The following TNRC6B variants were observed in gnomAD, a reference collection of about 807,000 sequenced individuals.
TNRC6B encodes the protein trinucleotide repeat-containing gene 6B protein.
Under a neutral mutation model 203.6 loss-of-function variants are expected in TNRC6B, and 52 were observed. That is an observed-to-expected ratio of 0.26 (90% CI 0.20 to 0.32). The LOEUF (loss-of-function observed/expected upper bound fraction) is 0.32, where lower values mean the gene tolerates loss of function less well. TNRC6B is among the 10% of genes least tolerant of loss of function. The pLI is 1.00. For missense variants in TNRC6B, 1,923 were observed against 2,286.2 expected, an observed-to-expected ratio of 0.84 and a Z score of 3.24; for synonymous variants, 838 against 845.7, an observed-to-expected ratio of 0.99 and a Z score of 0.16.
chr22:40,279,905 C>A, intron 9 of TNRC6B, 90 bp from the exon 10 acceptor site: 1 of 1,115,204 alleles, frequency 9.0e-7, no homozygotes, highest in Non-Finnish European at 1.3e-6. Flanking sequence ...ATACCCAGCA[C>A]CCCCATGAGG....
At chr22:40,221,691 G>A (rs1353219385) in intron 1 of TNRC6B, among the ~76,000 whole-genome samples, 1 of 151,368 alleles carries the variant, frequency 6.6e-6, no homozygotes, top group Non-Finnish European at 1.5e-5. Flanking sequence ...CTCCTGCCTT[G>A]GCCTCTCAAA....
intron 3 of TNRC6B, among the ~76,000 whole-genome samples, chr22:40,151,285 C>A (rs2068750570): frequency 6.6e-6 from 1 of 151,826 alleles, no homozygotes; most frequent in Admixed American, 6.6e-5. Flanking sequence ...ATAAATAGGC[C>A]AGGCACCGTG....
chr22:40,115,027 T>A (rs2068374359), intron 1 of TNRC6B, among the ~76,000 whole-genome samples: 1 of 152,222 alleles, frequency 6.6e-6, no homozygotes, highest in African/African-American at 2.4e-5. Context: ...CTGTAAAACC[T>A]GGATTCAAGA....
chr22:40,297,211 T>C (rs1039108709), intron 12 of TNRC6B, among the ~76,000 whole-genome samples: 2 of 152,214 alleles, frequency 1.3e-5, no homozygotes, highest in Non-Finnish European at 2.9e-5. Context: ...TGGAAATATA[T>C]TGGCTAAACA....
At chr22:40,177,718 C>G (rs2069077816), upstream of TNRC6B, among the ~76,000 whole-genome samples, 1 of 152,194 alleles carries the variant, frequency 6.6e-6, no homozygotes, top group African/African-American at 2.4e-5. Flanking sequence ...TCATCTGTTA[C>G]CCTTATGCTG....
rs947047147 is a variant in TNRC6B, at chr22:40,114,496, A to AT, written c.-120-2552dup. Reference sequence around the variant, plus strand: ...CCACCATGCCCCGTTAATTTTTTACATTTTTTTGTAGAGATAGGGTCTTCC... The same window carrying AT: ...CCACCATGCCCCGTTAATTTTTTACATTTTTTTTGTAGAGATAGGGTCTTCC... On this transcript the variant is annotated intron_variant, in intron 1 of 23. Coordinates refer to the TNRC6B transcript ENST00000301923. Among the ~76,000 whole-genome samples the AT allele has an allele frequency of 1.6e-4, 25 of 151,992 alleles. 2 individuals carry two copies. The highest frequency in any genetic ancestry group is 9.8e-4 in the Admixed American group (15 of 15,256).
chr22:40,139,325 A>ATT (rs562172960), intron 3 of TNRC6B, among the ~76,000 whole-genome samples: 55 of 120,602 alleles, frequency 4.6e-4, no homozygotes, highest in African/African-American at 1.2e-3. Flanking sequence ...GGGTGTACGC[A>ATT]TTTTTTTTTT....
chr22:40,272,124 CAT>C (rs1267311355), intron 6 of TNRC6B, among the ~76,000 whole-genome samples: 2 of 152,074 alleles, frequency 1.3e-5, no homozygotes, highest in Non-Finnish European at 2.9e-5. Context: ...TAATATAAAT[CAT>C]AAATATGGTA....
intron 1 of TNRC6B, among the ~76,000 whole-genome samples, chr22:40,050,929 A>G (rs1002290810): frequency 6.6e-6 from 1 of 151,776 alleles, no homozygotes; most frequent in African/African-American, 2.4e-5. Flanking sequence ...GGTTCAAGCA[A>G]TTCTTCTGCC....
At chr22:40,079,642 A>G (rs2068049008) in intron 1 of TNRC6B, among the ~76,000 whole-genome samples, 1 of 151,914 alleles carries the variant, frequency 6.6e-6, no homozygotes, top group Non-Finnish European at 1.5e-5. Flanking sequence ...TTTTTGAGAC[A>G]GGGTCTTGCT....
At chr22:40,064,721 A>G (rs534229800) in intron 1 of TNRC6B, among the ~76,000 whole-genome samples, 15 of 151,738 alleles carry the variant, frequency 9.9e-5, no homozygotes, top group African/African-American at 2.4e-4. Flanking sequence ...GGTTCAAGCA[A>G]TTCTCCTGCC....
At chr22:40,161,450 TAGCTG>T (rs1432011106) in intron 4 of TNRC6B, among the ~76,000 whole-genome samples, 1 of 152,188 alleles carries the variant, frequency 6.6e-6, no homozygotes, top group Non-Finnish European at 1.5e-5. Context: ...ATTATGTAAT[TAGCTG>T]ATCTGTGCCA....
At chr22:40,129,205 G>C (rs1204635138) in intron 3 of TNRC6B, among the ~76,000 whole-genome samples, 1 of 152,224 alleles carries the variant, frequency 6.6e-6, no homozygotes, top group Non-Finnish European at 1.5e-5. Context: ...GTTAGAGAGA[G>C]AGACAGAGAC....
At chr22:40,154,636 C>T (rs1052479062) in intron 3 of TNRC6B, among the ~76,000 whole-genome samples, 2 of 150,228 alleles carry the variant, frequency 1.3e-5, no homozygotes, top group African/African-American at 2.4e-5. Context: ...ATCAGGAGAT[C>T]GAGACTATCC....
chr22:40,057,367 C>T (rs887668118), intron 1 of TNRC6B, among the ~76,000 whole-genome samples: 7 of 149,470 alleles, frequency 4.7e-5, no homozygotes, highest in Admixed American at 6.7e-5. Context: ...CATCTCGGCT[C>T]GTCGCAACCT....
chr22:40,268,952 C>T (rs997759223), intron 5 of TNRC6B, among the ~76,000 whole-genome samples: 1 of 150,298 alleles, frequency 6.7e-6, no homozygotes, highest in Non-Finnish European at 1.5e-5. Context: ...ATAATCTTAA[C>T]CCCTAGGGTC....
intron 3 of TNRC6B, among the ~76,000 whole-genome samples, chr22:40,135,657 G>A (rs1201893222): frequency 6.6e-6 from 1 of 152,028 alleles, no homozygotes; most frequent in African/African-American, 2.4e-5. Flanking sequence ...GTGCCACCAT[G>A]CCTGGCTAGT....
chr22:40,275,814 C>G (rs2070634123), intron 7 of TNRC6B, among the ~76,000 whole-genome samples: 1 of 152,068 alleles, frequency 6.6e-6, no homozygotes, highest in Admixed American at 6.5e-5. Context: ...CAAAAATTAG[C>G]TGGGTGTGGT....
intron 1 of TNRC6B, among the ~76,000 whole-genome samples, chr22:40,213,764 A>G (rs1397536950): frequency 1.3e-5 from 2 of 152,204 alleles, no homozygotes; most frequent in Non-Finnish European, 2.9e-5. Context: ...GAAAGATGCC[A>G]AGATTTCTGC....
Sources: gnomAD v4.1 joint callset for allele counts (sites outside exome capture counted in the v4.1 genomes callset) on GRCh38, gnomAD v4.1.1 for gene constraint, MANE v1.5 for transcripts, NCBI Gene and HGNC (gene_info 2026-07-23, HGNC 2026-07-21) for gene names.